The following CSMD1 variants were observed in gnomAD, a reference collection of about 807,000 sequenced individuals.
CSMD1 encodes CUB and Sushi multiple domains 1, also known as CUB and sushi domain-containing protein 1.
A neutral mutation model predicts 417.5 loss-of-function variants in CSMD1; 213 were observed. The ratio of observed to expected loss-of-function variants is 0.51; its 90% CI spans 0.46 to 0.57. CSMD1 has a LOEUF of 0.57. CSMD1 is among the 20% of genes least tolerant of loss of function. CSMD1 has a pLI of 0.00. For synonymous variants in CSMD1, 2,862 were observed against 1,736.8 expected, an observed-to-expected ratio of 1.65 and a Z score of -16.11; for missense variants, 6,923 against 4,529.7, an observed-to-expected ratio of 1.53 and a Z score of -15.17.
chr8:4,042,754 G>A (rs7016290), intron 3 of CSMD1, among the ~76,000 whole-genome samples: 1 of 142,334 alleles, frequency 7.0e-6, no homozygotes, highest in Non-Finnish European at 1.5e-5. Flanking sequence ...GGCTGGGTAA[G>A]AAGAAAGGAG....
At chr8:4,723,510 G>T (rs574616947) in intron 1 of CSMD1, among the ~76,000 whole-genome samples, 1 of 152,188 alleles carries the variant, frequency 6.6e-6, no homozygotes, top group East Asian at 1.9e-4. Context: ...TTTGTATCTT[G>T]TAGGATCTGT....
chr8:4,582,976 G>A (rs977138138), intron 2 of CSMD1, among the ~76,000 whole-genome samples: 2 of 152,214 alleles, frequency 1.3e-5, no homozygotes, highest in South Asian at 2.1e-4. Flanking sequence ...ACCCGGGCCA[G>A]TGGCTGCGGA....
At chr8:4,726,174 T>G (rs1263731915) in intron 1 of CSMD1, among the ~76,000 whole-genome samples, 1 of 152,162 alleles carries the variant, frequency 6.6e-6, no homozygotes, top group African/African-American at 2.4e-5. Flanking sequence ...AACCTACAGT[T>G]GGTTGTATTA....
intron 3 of CSMD1, among the ~76,000 whole-genome samples, chr8:4,045,811 T>C (rs1798119405): frequency 6.6e-6 from 1 of 152,222 alleles, no homozygotes; most frequent in Non-Finnish European, 1.5e-5. Flanking sequence ...GAGACATGGC[T>C]TCTCAGCATC....
At chr8:4,067,468 A>G (rs1305401455) in intron 3 of CSMD1, among the ~76,000 whole-genome samples, 1 of 139,274 alleles carries the variant, frequency 7.2e-6, no homozygotes. Context: ...AGTTCTTTTC[A>G]CATGAAATAA....
chr8:4,635,318 A>T (rs879356236), intron 2 of CSMD1, among the ~76,000 whole-genome samples: 1 of 152,158 alleles, frequency 6.6e-6, no homozygotes, highest in Non-Finnish European at 1.5e-5. Context: ...TAATTGTTCT[A>T]ACTTAATATT....
At chr8:4,204,540 G>A (rs1452907810) in intron 3 of CSMD1, among the ~76,000 whole-genome samples, 1 of 152,114 alleles carries the variant, frequency 6.6e-6, no homozygotes, top group East Asian at 1.9e-4. Flanking sequence ...TCAAAGTGTA[G>A]AAGAAATTAT....
chr8:3,727,745 A>AATT (rs1258371300), intron 6 of CSMD1, among the ~76,000 whole-genome samples: 1 of 152,218 alleles, frequency 6.6e-6, no homozygotes, highest in Non-Finnish European at 1.5e-5. Context: ...GGATAAAGAT[A>AATT]ATGTGATCTG....
At chr8:3,538,171 G>A (rs939835221) in intron 10 of CSMD1, among the ~76,000 whole-genome samples, 1 of 152,084 alleles carries the variant, frequency 6.6e-6, no homozygotes, top group African/African-American at 2.4e-5. Context: ...AAAATTACAT[G>A]ACGGATCAAC....
intron 5 of CSMD1, among the ~76,000 whole-genome samples, chr8:3,982,281 AC>A (rs1384938043): frequency 1.3e-5 from 2 of 151,542 alleles, no homozygotes; most frequent in Non-Finnish European, 2.9e-5. Context: ...ATCCTGGTCT[AC>A]ATTCCTGAGT....
At chr8:2,988,417 A>G (rs1232959445) in intron 54 of CSMD1, among the ~76,000 whole-genome samples, 1 of 152,198 alleles carries the variant, frequency 6.6e-6, no homozygotes, top group East Asian at 1.9e-4. Flanking sequence ...AAGCAGGGAA[A>G]CAGTATGTGA....
intron 3 of CSMD1, among the ~76,000 whole-genome samples, chr8:4,343,482 T>A (rs1409835998): frequency 1.3e-5 from 2 of 152,132 alleles, no homozygotes; most frequent in South Asian, 4.1e-4. Flanking sequence ...ATCATGGTGA[T>A]GTACATGCGT....
intron 3 of CSMD1, among the ~76,000 whole-genome samples, chr8:4,342,811 C>A (rs183822822): frequency 6.6e-6 from 1 of 151,682 alleles, no homozygotes; most frequent in South Asian, 2.1e-4. Flanking sequence ...TTCGTTCCTG[C>A]CACAACATCG....
intron 7 of CSMD1, among the ~76,000 whole-genome samples, chr8:3,656,224 C>A (rs1004205917): frequency 6.6e-6 from 1 of 152,068 alleles, no homozygotes; most frequent in Non-Finnish European, 1.5e-5. Context: ...TAGACATAAC[C>A]ATGTGAGGGA....
intron 9 of CSMD1, among the ~76,000 whole-genome samples, chr8:3,575,277 C>T (rs988620123): frequency 6.6e-6 from 1 of 151,926 alleles, no homozygotes; most frequent in Non-Finnish European, 1.5e-5. Context: ...TGCAGTGTTA[C>T]GCTGGGACAC....
At chr8:3,439,620 T>A (rs1229495127) in intron 12 of CSMD1, among the ~76,000 whole-genome samples, 1 of 151,976 alleles carries the variant, frequency 6.6e-6, no homozygotes, top group Non-Finnish European at 1.5e-5. Flanking sequence ...AAGTTCTTTA[T>A]ATGATTTTTC....
intron 10 of CSMD1, among the ~76,000 whole-genome samples, chr8:3,512,556 G>A (rs942247667): frequency 1.3e-5 from 2 of 151,662 alleles, no homozygotes; most frequent in African/African-American, 4.8e-5. Context: ...CACAGCAGCA[G>A]GAGAAATGAA....
intron 3 of CSMD1, among the ~76,000 whole-genome samples, chr8:4,225,157 G>A (rs189233164): frequency 1.8e-4 from 28 of 152,198 alleles, no homozygotes; most frequent in East Asian, 9.7e-4. Context: ...TCATGTCAGG[G>A]CAACTTCATT....
chr8:3,928,198 T>A (rs184681128), intron 5 of CSMD1, among the ~76,000 whole-genome samples: 186 of 152,316 alleles, frequency 1.2e-3, no homozygotes, highest in African/African-American at 4.3e-3. Flanking sequence ...AGAATGATGT[T>A]AATGTAATAA....
Sources: gnomAD v4.1 joint callset for allele counts (sites outside exome capture counted in the v4.1 genomes callset) on GRCh38, gnomAD v4.1.1 for gene constraint, MANE v1.5 for transcripts, NCBI Gene and HGNC (gene_info 2026-07-23, HGNC 2026-07-21) for gene names.